SYNDIG1: variants seen among roughly 807,000 people sequenced by gnomAD.
The protein encoded by SYNDIG1 is synapse differentiation inducing 1.
SYNDIG1 carries 9 observed loss-of-function variants against 19.4 expected under a neutral mutation model. The ratio of observed to expected loss-of-function variants is 0.46; its 90% confidence interval spans 0.28 to 0.81. The LOEUF (loss-of-function observed/expected upper bound fraction) is 0.81. SYNDIG1 is among the 30% of genes least tolerant of loss of function. The probability of loss-of-function intolerance (pLI) is 0.12; values close to 1 mark genes in which losing one functional copy is unlikely to be tolerated. For missense variants in SYNDIG1, 311 were observed against 343.3 expected (o/e 0.91, Z 0.74); for synonymous variants, 141 against 145.9 (o/e 0.97, Z 0.24).
At chr20:24,523,767 A>T (rs2057056990) in intron 1 of SYNDIG1, among the ~76,000 whole-genome samples, 1 of 152,220 alleles carries the variant, frequency 6.6e-6, no homozygotes, top group African/African-American at 2.4e-5. Context: ...CATTGAGGAA[A>T]GAAACCTGTG....
At chr20:24,486,855 C>T (rs2055978364) in intron 1 of SYNDIG1, among the ~76,000 whole-genome samples, 3 of 152,210 alleles carry the variant, frequency 2.0e-5, no homozygotes, top group East Asian at 1.9e-4. Context: ...GACCGGGTTT[C>T]ACCATGTTGT....
intron 3 of SYNDIG1, among the ~76,000 whole-genome samples, chr20:24,646,073 C>T (rs972463827): frequency 7.9e-5 from 12 of 152,212 alleles, no homozygotes; most frequent in Non-Finnish European, 1.5e-4. Context: ...CCCCAGTTCA[C>T]ATCTGAGCCC....
chr20:24,656,359 C>T (rs904511204), intron 3 of SYNDIG1, among the ~76,000 whole-genome samples: 1 of 152,178 alleles, frequency 6.6e-6, no homozygotes, highest in East Asian at 1.9e-4. Flanking sequence ...TGATTCTAGC[C>T]GTAATTCTGA....
intron 3 of SYNDIG1, among the ~76,000 whole-genome samples, chr20:24,659,215 G>T (rs2059560132): frequency 6.6e-6 from 1 of 152,120 alleles, no homozygotes; most frequent in African/African-American, 2.4e-5. Flanking sequence ...ATTCCTTTCT[G>T]GATTCGCCTG....
At chr20:24,504,204 C>T (rs953144370) in intron 1 of SYNDIG1, among the ~76,000 whole-genome samples, 7 of 152,126 alleles carry the variant, frequency 4.6e-5, no homozygotes, top group South Asian at 2.1e-4. Context: ...GTGATCCGCC[C>T]GCCTCGGCCT....
At chr20:24,582,109 C>A (rs2058335407) in intron 2 of SYNDIG1, among the ~76,000 whole-genome samples, 1 of 132,252 alleles carries the variant, frequency 7.6e-6, no homozygotes, top group Admixed American at 7.4e-5. Flanking sequence ...TGTCCTCCCC[C>A]ATGTACGTCC....
chr20:24,516,030 T>C (rs1196351641), intron 1 of SYNDIG1, among the ~76,000 whole-genome samples: 1 of 152,038 alleles, frequency 6.6e-6, no homozygotes, highest in Non-Finnish European at 1.5e-5. Flanking sequence ...TCAGAAATAA[T>C]ACCACACATC....
chr20:24,519,161 T>A (rs2056951077), intron 1 of SYNDIG1, among the ~76,000 whole-genome samples: 1 of 152,226 alleles, frequency 6.6e-6, no homozygotes, highest in Non-Finnish European at 1.5e-5. Context: ...GACTGAGCTG[T>A]TGCTCTGTTT....
At chr20:24,496,589 G>GT (rs551479007) in intron 1 of SYNDIG1, among the ~76,000 whole-genome samples, 31 of 152,214 alleles carry the variant, frequency 2.0e-4, no homozygotes, top group Non-Finnish European at 3.4e-4. Context: ...ATACTGTTTT[G>GT]TTTTTTTCTG....
intron 1 of SYNDIG1, among the ~76,000 whole-genome samples, chr20:24,514,816 A>G (rs183172258): frequency 1.4e-4 from 22 of 152,354 alleles, no homozygotes; most frequent in Admixed American, 1.2e-3. Context: ...AATCAACAGA[A>G]TACACATTCT....
At chr20:24,659,855 C>A (rs542562933) in intron 3 of SYNDIG1, among the ~76,000 whole-genome samples, 2 of 152,192 alleles carry the variant, frequency 1.3e-5, no homozygotes, top group African/African-American at 2.4e-5. Flanking sequence ...AAATGAGTTT[C>A]TCTATTCTCT....
chr20:24,646,720 C>T (rs569840613), intron 3 of SYNDIG1, among the ~76,000 whole-genome samples: 164 of 151,930 alleles, frequency 1.1e-3, no homozygotes, highest in African/African-American at 3.8e-3. Context: ...CTCCTGAGTT[C>T]AAGTGATTCT....
intron 3 of SYNDIG1, among the ~76,000 whole-genome samples, chr20:24,634,679 T>G (rs963404959): frequency 6.6e-6 from 1 of 152,266 alleles, no homozygotes; most frequent in Non-Finnish European, 1.5e-5. Flanking sequence ...TTTCTAGTTC[T>G]ACATTTACCA....
In SYNDIG1 at chr20:24,521,915, AT is replaced by A. The variant is rs67961029; in HGVS notation, c.-78-21103del. 1.0e-4 allele frequency among the ~76,000 whole-genome samples: 15 copies of A among 150,092 alleles called. 2 individuals are homozygous for A. Among genetic ancestry groups the A allele is most frequent in the Non-Finnish European group, 1.9e-4 (13 of 67,572 alleles). On this transcript the variant is annotated intron_variant, in intron 1 of 3. Transcript: ENST00000376862. ...ACTCCCTCTCAAAAAAAAAAAAAAA[AT>A]TAAGTAATACCCCGAAATAGTAATG...
At chr20:24,589,625 G>A (rs115714130) in intron 3 of SYNDIG1, among the ~76,000 whole-genome samples, 1 of 152,256 alleles carries the variant, frequency 6.6e-6, no homozygotes, top group African/African-American at 2.4e-5. Flanking sequence ...CGCCGGGCAG[G>A]CCCGAGGGTT....
chr20:24,603,267 G>C lies in SYNDIG1; in HGVS notation c.618+18274G>C, dbSNP rs146535658. ...AGTTGGGAGAGATTGTTCGTGGCTAGGATCAAACCATGCTGCCAAATCCTC... is the reference window on the plus strand; with the variant it reads ...AGTTGGGAGAGATTGTTCGTGGCTACGATCAAACCATGCTGCCAAATCCTC... On this transcript the variant is annotated intron_variant, in intron 3 of 3. Transcript: ENST00000376862. Among the ~76,000 whole-genome samples, 281 of 152,214 alleles carry C rather than the reference G, an allele frequency of 1.8e-3. 1 individual carries two copies. The highest frequency in any genetic ancestry group is 2.8e-3 in the Non-Finnish European group (190 of 68,002).
intron 3 of SYNDIG1, among the ~76,000 whole-genome samples, chr20:24,610,995 C>T (rs2058838844): frequency 6.6e-6 from 1 of 152,178 alleles, no homozygotes; most frequent in Admixed American, 6.5e-5. Context: ...TCGGCCAGCT[C>T]CCAGGCACAA....
At chr20:24,475,886 C>T (rs1367047075) in intron 1 of SYNDIG1, among the ~76,000 whole-genome samples, 3 of 146,818 alleles carry the variant, frequency 2.0e-5, no homozygotes, top group East Asian at 2.0e-4. Flanking sequence ...TTTGAAATGA[C>T]GTCTCACTCT....
chr20:24,650,365 A>G (rs1196822269), intron 3 of SYNDIG1, among the ~76,000 whole-genome samples: 1 of 152,206 alleles, frequency 6.6e-6, no homozygotes, highest in Admixed American at 6.5e-5. Context: ...TAAATGGCCC[A>G]TCCAGTTTGT....
Sources: gnomAD v4.1 joint callset for allele counts (sites outside exome capture counted in the v4.1 genomes callset) on GRCh38, gnomAD v4.1.1 for gene constraint, MANE v1.5 for transcripts, NCBI Gene and HGNC (gene_info 2026-07-23, HGNC 2026-07-21) for gene names.